Variants in PCDHA10 observed in about 807,000 individuals in gnomAD.
PCDHA10 encodes protocadherin alpha 10, also known as protocadherin alpha-10.
A neutral mutation model predicts 61.2 loss-of-function variants in PCDHA10; 45 were observed. The observed-to-expected ratio is 0.74, with a 90% CI of 0.58 to 0.94. The LOEUF (loss-of-function observed/expected upper bound fraction) is 0.94. Ranked by LOEUF, PCDHA10 falls within the 40% of genes least tolerant of loss-of-function variation. The pLI is 0.00. For synonymous variants in PCDHA10, 602 were observed against 548.8 expected (o/e 1.10, Z -1.35); for missense variants, 1,278 against 1,236.2 (o/e 1.03, Z -0.51).
chr5:140,967,707 C>G, intron 1 of PCDHA10: 1 of 1,614,158 alleles, frequency 6.2e-7, no homozygotes, highest in Non-Finnish European at 8.5e-7. Flanking sequence ...GATGCCAGTA[C>G]CGGGGAAGTG....
rs566250084 is a variant in PCDHA10 at position 140,877,055 on chromosome 5, T to G, written c.2388+18619T>G. The G allele has an allele frequency of 2.5e-6, 4 of 1,612,792 alleles. No homozygotes were observed. In the East Asian group the frequency reaches 8.9e-5, roughly 36 times the overall value. On this transcript the variant is annotated intron_variant, in intron 1 of 3. Coordinates refer to ENST00000307360, the MANE Select transcript of PCDHA10 (RefSeq NM_018901.4). ...CTGCAGCCGCTAGACCACGAGGAGC[T>G]GGAGCTGCTGCAGTTCCAGGTGAGC...
chr5:140,960,788 G>A (rs1268913888), intron 1 of PCDHA10, among the ~76,000 whole-genome samples: 1 of 152,086 alleles, frequency 6.6e-6, no homozygotes, highest in Non-Finnish European at 1.5e-5. Context: ...GCCAAACAAG[G>A]TTTCTATTAA....
intron 1 of PCDHA10, chr5:140,876,811 G>A (rs2153346110): frequency 9.3e-6 from 15 of 1,614,218 alleles, no homozygotes; most frequent in Non-Finnish European, 1.3e-5. Context: ...GGAGGTGGCC[G>A]ACGTGAACGA....
intron 1 of PCDHA10, among the ~76,000 whole-genome samples, chr5:140,941,194 T>TCTTTCTTC (rs781885331): frequency 0.027 from 3,012 of 112,124 alleles, 85 homozygotes; most frequent in African/African-American, 0.068. Flanking sequence ...TCTTTTTTTT[T>TCTTTCTTC]CTTTCTTCCT....
At chr5:140,936,080 A>C (rs1252008478) in intron 1 of PCDHA10, among the ~76,000 whole-genome samples, 2 of 152,004 alleles carry the variant, frequency 1.3e-5, no homozygotes, top group African/African-American at 4.8e-5. Flanking sequence ...TTTAGTAGAG[A>C]CAGGGTTTCA....
chr5:140,869,779 G>A (rs1554163444), intron 1 of PCDHA10: 4 of 1,612,766 alleles, frequency 2.5e-6, no homozygotes, highest in Non-Finnish European at 3.4e-6. Flanking sequence ...TACTGGCACC[G>A]TTCGGCTGTT....
chr5:140,903,884 A>C (rs1466107424), intron 1 of PCDHA10, among the ~76,000 whole-genome samples: 1 of 152,214 alleles, frequency 6.6e-6, no homozygotes, highest in Non-Finnish European at 1.5e-5. Context: ...AAGACATTGA[A>C]TCTTGACCTG....
intron 1 of PCDHA10, among the ~76,000 whole-genome samples, chr5:140,874,013 A>C (rs2054638776): frequency 6.6e-6 from 1 of 152,248 alleles, no homozygotes; most frequent in Non-Finnish European, 1.5e-5. Flanking sequence ...ACCACTTTTG[A>C]AAATGAAAAA....
intron 1 of PCDHA10, among the ~76,000 whole-genome samples, chr5:140,915,115 A>T (rs2076990702): frequency 1.3e-5 from 2 of 151,346 alleles, no homozygotes; most frequent in African/African-American, 4.9e-5. Context: ...CACCCACCTA[A>T]TTTTTATATT....
intron 1 of PCDHA10, chr5:140,968,545 G>C: frequency 6.2e-7 from 1 of 1,614,182 alleles, no homozygotes; most frequent in Non-Finnish European, 8.5e-7. Flanking sequence ...CCTTCGAGAT[G>C]GTGCCTCGAA....
chr5:140,966,363 G>A (rs1476634162), intron 1 of PCDHA10: 3 of 402,216 alleles, frequency 7.5e-6, no homozygotes, highest in Admixed American at 4.4e-5. Flanking sequence ...GGGCTGGAGA[G>A]GCTGAGCAGT....
At chr5:140,967,042 G>A (rs781848948) in intron 1 of PCDHA10, 1 of 1,611,904 alleles carries the variant, frequency 6.2e-7, no homozygotes, top group Admixed American at 1.7e-5. Flanking sequence ...ACCTGGAGCT[G>A]GACCTGACGA....
intron 1 of PCDHA10, among the ~76,000 whole-genome samples, chr5:140,951,224 A>G (rs539647356): frequency 3.2e-4 from 49 of 151,938 alleles, no homozygotes; most frequent in Non-Finnish European, 6.9e-4. Context: ...TGGATTCTTG[A>G]TGGTCTTTAC....
At chr5:140,933,863 A>G (rs2089469278) in intron 1 of PCDHA10, among the ~76,000 whole-genome samples, 1 of 151,666 alleles carries the variant, frequency 6.6e-6, no homozygotes, top group Non-Finnish European at 1.5e-5. Context: ...ATTTTTTCAG[A>G]TATATGTTAG....
chr5:140,875,159 C>T (rs60784460), intron 1 of PCDHA10: 4,491 of 336,216 alleles, frequency 0.013, 178 homozygotes, highest in African/African-American at 0.087. Flanking sequence ...TGAAAAATAA[C>T]CCAAAGTCGA....
intron 1 of PCDHA10, among the ~76,000 whole-genome samples, chr5:140,914,309 C>A (rs1461023041): frequency 1.3e-5 from 2 of 152,082 alleles, no homozygotes; most frequent in Non-Finnish European, 2.9e-5. Flanking sequence ...TGAATTGACC[C>A]CATTATCATT....
At chr5:140,901,284 G>T (rs868936344) in intron 1 of PCDHA10, among the ~76,000 whole-genome samples, 1 of 152,046 alleles carries the variant, frequency 6.6e-6, no homozygotes, top group Admixed American at 6.6e-5. Flanking sequence ...AGAAATTTTT[G>T]CCCAGACTGA....
intron 1 of PCDHA10, among the ~76,000 whole-genome samples, chr5:140,885,620 G>A (rs1480920354): frequency 1.3e-5 from 2 of 152,120 alleles, no homozygotes; most frequent in Non-Finnish European, 2.9e-5. Context: ...TATAAAATAT[G>A]TCACTGGATT....
chr5:140,967,453 C>A (rs782630345), intron 1 of PCDHA10: 1 of 1,613,556 alleles, frequency 6.2e-7, no homozygotes, highest in Non-Finnish European at 8.5e-7. Context: ...TTCTCACAGC[C>A]GTGGATGGGG....
Sources: gnomAD v4.1 joint callset for allele counts (sites outside exome capture counted in the v4.1 genomes callset) on GRCh38, gnomAD v4.1.1 for gene constraint, MANE v1.5 for transcripts, NCBI Gene and HGNC (gene_info 2026-07-23, HGNC 2026-07-21) for gene names.